The following PDIA6 variants were observed in gnomAD, a reference collection of about 807,000 sequenced individuals.
PDIA6 encodes the protein protein disulfide-isomerase A6.
A neutral mutation model predicts 58.4 loss-of-function variants in PDIA6; 29 were observed. The ratio of observed to expected loss-of-function variants is 0.50; its 90% CI spans 0.37 to 0.68. PDIA6 has a LOEUF of 0.68. Ranked by LOEUF, PDIA6 falls within the 30% of genes least tolerant of loss-of-function variation. The pLI is 0.00. For synonymous variants in PDIA6, 192 were observed against 202.6 expected (o/e 0.95, Z 0.44); for missense variants, 480 against 551.0 (o/e 0.87, Z 1.29).
chr2:10,829,286 C>T (rs957838601), intron 1 of PDIA6, among the ~76,000 whole-genome samples: 12 of 152,298 alleles, frequency 7.9e-5, no homozygotes, highest in African/African-American at 2.9e-4. Context: ...ATGGACACCT[C>T]CCGCCCCCAG....
At position 10,793,172 on chromosome 2, in the gene PDIA6, G is replaced by C. The variant is rs747404455; in HGVS notation, c.377C>G (p.Ala126Gly). Residue 126 changes from alanine (A) to glycine (G), a missense_variant, in exon 5 of 13, where the codon GCT becomes GGT. Coordinates refer to ENST00000272227, the MANE Select transcript of PDIA6 (RefSeq NM_005742.4). ...GGRTGEAIVD[A>G]ALSALRQLVK... ...GAGCTGGCGCAGAGCACTCAGCGCA[G>C]CATCTACAATGGCTTCACCAGTTCT... The C allele has an allele frequency of 1.9e-6, 3 of 1,614,006 alleles. No individual in the cohort carries two copies. The South Asian group carries it at 3.3e-5, about 18-fold the overall frequency.
intron 2 of PDIA6, among the ~76,000 whole-genome samples, chr2:10,819,120 TTTCC>T (rs1166026666): frequency 2.6e-5 from 4 of 152,206 alleles, no homozygotes; most frequent in Non-Finnish European, 5.9e-5. Flanking sequence ...CATGTGTCAA[TTTCC>T]TTCCTTCTTA....
chr2:10,814,146 A>G (rs1263878856), upstream of PDIA6, among the ~76,000 whole-genome samples: 1 of 152,118 alleles, frequency 6.6e-6, no homozygotes, highest in East Asian at 1.9e-4. Context: ...TCCATATTGT[A>G]GTGTGTAAGG....
At position 10,784,392 on chromosome 2, in the gene PDIA6, A is replaced by AGGAAGAGCGAC. The variant is rs1665595719; in HGVS notation, c.1255-67_1255-66insGTCGCTCTTCC. On this transcript the variant is annotated intron_variant, in intron 12 of 12. Coordinates refer to ENST00000272227, the MANE Select transcript of PDIA6 (RefSeq NM_005742.4). ...GGACACCCTGGAAGGTCAACATCTC[A>AGGAAGAGCGAC]TTTTATGGAAGAGCGACTCTCTGGA... is the stretch of plus-strand genomic sequence containing the variant. The AGGAAGAGCGAC allele has an allele frequency of 2.3e-6, 3 of 1,277,206 alleles. No homozygotes were observed. In the Admixed American group the frequency reaches 5.8e-5, roughly 25 times the overall value. The allele number at this position is 1,277,206 out of a possible 1,614,324, so 79.1% of individuals were successfully genotyped here.
intron 11 of PDIA6, among the ~76,000 whole-genome samples, chr2:10,786,864 CAAAT>C (rs1665786642): frequency 6.6e-6 from 1 of 152,118 alleles, no homozygotes; most frequent in African/African-American, 2.4e-5. Context: ...CGCCCATTTT[CAAAT>C]AAATAACTAC....
At chr2:10,832,205 A>G (rs1350537862) in exon 1 of PDIA6, 18 of 154,906 alleles carry the variant, frequency 1.2e-4, no homozygotes, top group Non-Finnish European at 2.5e-4. Flanking sequence ...TACTCACCCC[A>G]CGGGCGTGTG....
Position 10,787,269 on chromosome 2 carries a change from A to G in PDIA6, c.1157+12T>C. 1 of 1,612,922 alleles carries G rather than the reference A, an allele frequency of 6.2e-7. No individual in the cohort carries two copies. Among genetic ancestry groups the G allele is most frequent in the South Asian group, 1.1e-5 (1 of 91,044 alleles). On this transcript the variant is annotated intron_variant, in intron 11 of 12. Transcript: ENST00000272227. ...CAGACAAAACAACAAACAACCTAAG[A>G]AAACAAATTACCTGAGAAACTCGTT...
At chr2:10,796,199 A>G (rs1247654770) in intron 4 of PDIA6, among the ~76,000 whole-genome samples, 10 of 151,886 alleles carry the variant, frequency 6.6e-5, no homozygotes, top group East Asian at 1.9e-4. Flanking sequence ...GACTACAGTC[A>G]CCCACCACCG....
Position 10,812,760 on chromosome 2 carries a change from ACGCCGCG to A in PDIA6, c.-71_-65del, listed in dbSNP as rs1162070770. ...CCGCTTCAGCCCTGCAGCGTGCCGCACGCCGCGCCCCCGCGCCCACGTCCCGCCCCAG... is the reference window on the plus strand; with the variant it reads ...CCGCTTCAGCCCTGCAGCGTGCCGCACCCCCGCGCCCACGTCCCGCCCCAG... On this transcript the variant is annotated 5_prime_UTR_variant, in exon 1 of 13. Transcript: ENST00000272227. 10 of 1,361,730 alleles carry A rather than the reference ACGCCGCG, an allele frequency of 7.3e-6. No homozygotes were observed. The highest frequency in any genetic ancestry group is 9.5e-6 in the Non-Finnish European group (10 of 1,056,768). The allele number at this position is 1,361,730 out of a possible 1,614,324, so 84.4% of individuals were successfully genotyped here.
intron 2 of PDIA6, 124 bp from the exon 3 acceptor site, chr2:10,797,881 A>C: frequency 2.8e-6 from 2 of 726,066 alleles, no homozygotes; most frequent in Non-Finnish European, 4.6e-6. Flanking sequence ...AAAGAGGACA[A>C]GCACAAATAA....
At chr2:10,826,611 C>T (rs1667562985) in intron 1 of PDIA6, among the ~76,000 whole-genome samples, 1 of 152,200 alleles carries the variant, frequency 6.6e-6, no homozygotes, top group Non-Finnish European at 1.5e-5. Context: ...CTGCTTGCCT[C>T]AGCCTCCCAA....
upstream of PDIA6, among the ~76,000 whole-genome samples, chr2:10,817,418 A>G (rs1667230090): frequency 6.6e-6 from 1 of 152,198 alleles, no homozygotes; most frequent in African/African-American, 2.4e-5. Context: ...AGAATAAAGA[A>G]CTGTCCCCAA....
At chr2:10,802,027 A>C (rs983531882) in intron 2 of PDIA6, among the ~76,000 whole-genome samples, 4 of 152,212 alleles carry the variant, frequency 2.6e-5, no homozygotes, top group Non-Finnish European at 5.9e-5. Context: ...TTTGCATTAA[A>C]TGCTTTAATC....
upstream of PDIA6, among the ~76,000 whole-genome samples, chr2:10,815,760 GTC>G (rs1333913233): frequency 6.6e-6 from 1 of 152,182 alleles, no homozygotes; most frequent in Non-Finnish European, 1.5e-5. Context: ...GGCCAGGCTG[GTC>G]TCGAACTCCT....
In PDIA6 at chr2:10,793,501, G is replaced by A. The variant is rs1000017519; in HGVS notation, c.347-299C>T. ...ACCATCTCAGGTCACTGCAACCTCC[G>A]CCTCCCGGGTTCGAGTGATTTCTGG... On this transcript the variant is annotated intron_variant, in intron 4 of 12. Transcript: ENST00000272227. Among the ~76,000 whole-genome samples the A allele has an allele frequency of 3.3e-5, 5 of 152,148 alleles. No homozygotes were observed. The South Asian group carries it at 1.0e-3, about 32-fold the overall frequency.
rs146243033 is a variant in PDIA6 at position 10,806,179 on chromosome 2, G to A, written c.20-3539C>T. 1.8e-4 allele frequency among the ~76,000 whole-genome samples: 28 copies of A among 151,558 alleles called. No individual in the cohort carries two copies. In the East Asian group the frequency reaches 5.1e-3, roughly 27 times the overall value. On this transcript the variant is annotated intron_variant, in intron 1 of 12. Coordinates refer to ENST00000272227, the MANE Select transcript of PDIA6 (RefSeq NM_005742.4). ...GCTCAGGAATTCAAGACCAGCCTGG[G>A]CAACATAGTGAGACCCCCTCTCTAA...
intron 1 of PDIA6, chr2:10,823,444 A>G (rs1106185): frequency 0.35 from 53,814 of 152,178 alleles, 10,310 homozygotes; most frequent in East Asian, 0.72. Context: ...ATAAATCTCT[A>G]TTCAGTGCCT....
rs769685669 is a variant in PDIA6 at position 10,802,452 on chromosome 2, T to C, written c.161+47A>G. 9 of 1,187,594 alleles carry C rather than the reference T, an allele frequency of 7.6e-6. No homozygotes were observed. The South Asian group carries it at 2.2e-4, about 29-fold the overall frequency. The allele number at this position is 1,187,594 out of a possible 1,614,324, so 73.6% of individuals were successfully genotyped here. A position where few individuals can be genotyped will look rare whatever the true frequency, so the allele number is the denominator to read the frequency against. On this transcript the variant is annotated intron_variant, in intron 2 of 12. Transcript: ENST00000272227. ...GATTTTTATACAGCGTTTTCTCCAA[T>C]TTCAGAAAGTACTATAAATAATCTA...
chr2:10,812,693 C>A lies in PDIA6; in HGVS notation c.4G>T (p.Ala2Ser). MALLVLGLVSCT... is the reference protein window; with the variant it reads MSLLVLGLVSCT... Reference sequence around the variant, plus strand: ...CCGCACCTACCGAGCACCAGGAGAGCCATGCCGAGCGCCGGGCTACGTGCA... The same window carrying A: ...CCGCACCTACCGAGCACCAGGAGAGACATGCCGAGCGCCGGGCTACGTGCA... The change falls in exon 1 of 13, where the codon GCT becomes TCT. Residue 2 changes from alanine (A) to serine (S), a missense_variant. By Grantham distance (99) the Ala-to-Ser change is moderately conservative. Transcript: ENST00000272227. The A allele has an allele frequency of 1.3e-6, 2 of 1,531,464 alleles. No individual in the cohort carries two copies. Among genetic ancestry groups the A allele is most frequent in the South Asian group, 2.4e-5 (2 of 84,366 alleles). 94.9% of individuals were successfully genotyped at this position (1,531,464 alleles called of 1,614,324 possible). A position where few individuals can be genotyped will look rare whatever the true frequency, so the allele number is the denominator to read the frequency against.
Sources: gnomAD v4.1 joint callset for allele counts (sites outside exome capture counted in the v4.1 genomes callset) on GRCh38, gnomAD v4.1.1 for gene constraint, MANE v1.5 for transcripts, NCBI Gene and HGNC (gene_info 2026-07-23, HGNC 2026-07-21) for gene names.